ASIC2: variants seen among roughly 807,000 people sequenced by gnomAD.
ASIC2 encodes acid-sensing ion channel 2.
In ASIC2, 25 loss-of-function variants were observed where a neutral mutation model predicts 57.3. The observed-to-expected ratio is 0.44, with a 90% confidence interval of 0.32 to 0.61. The LOEUF is 0.61. Among genes scored for constraint, ASIC2 ranks in the 20% least tolerant of loss-of-function variants. The pLI is 0.06. For missense variants in ASIC2, 641 were observed against 738.1 expected, an observed-to-expected ratio of 0.87 and a Z score of 1.52; for synonymous variants, 319 against 307.5, an observed-to-expected ratio of 1.04 and a Z score of -0.39.
At chr17:34,030,633 T>A (rs1907568665) in intron 1 of ASIC2, among the ~76,000 whole-genome samples, 1 of 152,210 alleles carries the variant, frequency 6.6e-6, no homozygotes, top group Admixed American at 6.5e-5. Context: ...AGACAGCACC[T>A]GGAAAATCGG....
At chr17:33,631,803 G>T (rs1906181003) in intron 1 of ASIC2, among the ~76,000 whole-genome samples, 1 of 152,090 alleles carries the variant, frequency 6.6e-6, no homozygotes, top group Non-Finnish European at 1.5e-5. Context: ...AGGGCCCTTT[G>T]TTATATTCAA....
At chr17:33,221,887 A>C (rs1410672422) in intron 1 of ASIC2, among the ~76,000 whole-genome samples, 7 of 152,208 alleles carry the variant, frequency 4.6e-5, no homozygotes, top group Non-Finnish European at 8.8e-5. Context: ...ATTCATAGCT[A>C]TTGATCATTT....
intron 1 of ASIC2, among the ~76,000 whole-genome samples, chr17:33,338,506 G>A (rs1392935378): frequency 6.6e-6 from 1 of 152,154 alleles, no homozygotes; most frequent in East Asian, 1.9e-4. Flanking sequence ...CAGGCAGATG[G>A]AGCAGCATGC....
At chr17:33,355,147 AC>A (rs1338524268) in intron 1 of ASIC2, among the ~76,000 whole-genome samples, 3 of 152,208 alleles carry the variant, frequency 2.0e-5, no homozygotes, top group African/African-American at 7.2e-5. Flanking sequence ...AGCCTGGCTA[AC>A]ATGGTGAAAC....
intron 1 of ASIC2, among the ~76,000 whole-genome samples, chr17:33,647,551 C>A (rs1274608764): frequency 2.0e-5 from 3 of 152,212 alleles, no homozygotes; most frequent in Admixed American, 2.0e-4. Flanking sequence ...GAGGGGCAGA[C>A]CAGCAGGGCT....
At chr17:33,452,201 G>A (rs1459324942) in intron 1 of ASIC2, among the ~76,000 whole-genome samples, 3 of 152,230 alleles carry the variant, frequency 2.0e-5, no homozygotes, top group Non-Finnish European at 4.4e-5. Context: ...AGAGGTGGTG[G>A]AGACTAAAGG....
chr17:33,689,019 CCAT>C (rs963332392), intron 1 of ASIC2: 13 of 152,172 alleles, frequency 8.5e-5, no homozygotes, highest in African/African-American at 3.1e-4. Flanking sequence ...CTTTCACTCA[CCAT>C]CAAGATGGAA....
chr17:33,680,300 GACCTGCAGGGAAGTGGT>G (rs1907959854), intron 1 of ASIC2, among the ~76,000 whole-genome samples: 1 of 152,164 alleles, frequency 6.6e-6, no homozygotes, highest in African/African-American at 2.4e-5. Flanking sequence ...CCAGCTGCCT[GACCTGCAGGGAAGTGGT>G]ACCTGCAGGA....
At chr17:33,592,674 C>A (rs188394787) in intron 1 of ASIC2, among the ~76,000 whole-genome samples, 114 of 152,036 alleles carry the variant, frequency 7.5e-4, no homozygotes, top group African/African-American at 2.6e-3. Flanking sequence ...GGACTGCGAG[C>A]AGGAAATCTC....
intron 3 of ASIC2, among the ~76,000 whole-genome samples, chr17:33,065,670 T>A (rs905937918): frequency 4.6e-5 from 7 of 152,072 alleles, no homozygotes; most frequent in Non-Finnish European, 8.8e-5. Flanking sequence ...CTAGTGTGTA[T>A]TTGTTAAGTG....
chr17:33,186,894 T>C (rs924836808), intron 1 of ASIC2, among the ~76,000 whole-genome samples: 2 of 152,222 alleles, frequency 1.3e-5, no homozygotes, highest in African/African-American at 4.8e-5. Context: ...TCTACTCTTT[T>C]TCTATGCAAC....
intron 6 of ASIC2, among the ~76,000 whole-genome samples, chr17:33,023,642 C>G (rs2091847712): frequency 6.6e-6 from 1 of 152,172 alleles, no homozygotes; most frequent in African/African-American, 2.4e-5. Context: ...GCTTGTCTCT[C>G]CATAAGACTG....
chr17:33,199,393 C>G (rs1208477886), intron 1 of ASIC2, among the ~76,000 whole-genome samples: 1 of 152,136 alleles, frequency 6.6e-6, no homozygotes, highest in African/African-American at 2.4e-5. Flanking sequence ...GGAAAATGTT[C>G]CCTAGGAAAT....
At chr17:33,143,615 C>G (rs541060165) in intron 1 of ASIC2, among the ~76,000 whole-genome samples, 1 of 152,334 alleles carries the variant, frequency 6.6e-6, no homozygotes, top group South Asian at 2.1e-4. Flanking sequence ...TCTCTACAGA[C>G]AGTCTATGTC....
At chr17:34,091,524 T>C (rs1210126431) in intron 1 of ASIC2, among the ~76,000 whole-genome samples, 3 of 152,202 alleles carry the variant, frequency 2.0e-5, no homozygotes, top group Non-Finnish European at 4.4e-5. Flanking sequence ...AGTGGGAGAA[T>C]CCCTGGCAGC....
intron 1 of ASIC2, among the ~76,000 whole-genome samples, chr17:33,637,864 C>T (rs945736155): frequency 6.6e-6 from 1 of 152,150 alleles, no homozygotes; most frequent in Admixed American, 6.5e-5. Context: ...AAATAAGTCT[C>T]CCCAGAGGCT....
At chr17:33,859,154 C>G (rs1445041727) in intron 1 of ASIC2, among the ~76,000 whole-genome samples, 1 of 152,154 alleles carries the variant, frequency 6.6e-6, no homozygotes, top group Non-Finnish European at 1.5e-5. Context: ...AAGAAGCAAA[C>G]TAGCTATAAA....
chr17:33,308,266 T>C (rs571246101), intron 1 of ASIC2, among the ~76,000 whole-genome samples: 3 of 152,316 alleles, frequency 2.0e-5, no homozygotes, highest in African/African-American at 7.2e-5. Context: ...TCAATGACCA[T>C]GCATGATTCC....
At chr17:33,739,052 A>G (rs1352603825) in intron 1 of ASIC2, among the ~76,000 whole-genome samples, 3 of 152,254 alleles carry the variant, frequency 2.0e-5, no homozygotes, top group Non-Finnish European at 4.4e-5. Context: ...AGAAAGCTGT[A>G]AGGTTGACAA....
Sources: allele counts gnomAD v4.1 joint callset (sites outside exome capture counted in the v4.1 genomes callset), GRCh38; gene constraint gnomAD v4.1.1; transcripts MANE v1.5; gene names NCBI Gene and HGNC (gene_info 2026-07-23, HGNC 2026-07-21).